Variants in FARS2 observed in about 807,000 individuals in gnomAD.
FARS2 encodes the protein phenylalanyl-tRNA synthetase 2, mitochondrial, also known as phenylalanine--tRNA ligase, mitochondrial.
In FARS2, 40 loss-of-function variants were observed where a neutral mutation model predicts 46.4. That is an observed-to-expected ratio of 0.86 (90% CI 0.67 to 1.12). The LOEUF is 1.12. FARS2 is among the 50% of genes most tolerant of loss of function. FARS2 has a pLI of 0.00. For synonymous variants in FARS2, 234 were observed against 214.9 expected, an observed-to-expected ratio of 1.09 and a Z score of -0.78; for missense variants, 513 against 567.9, an observed-to-expected ratio of 0.90 and a Z score of 0.98.
chr6:5,420,481 G>A (rs1190199151), intron 3 of FARS2, among the ~76,000 whole-genome samples: 1 of 152,174 alleles, frequency 6.6e-6, no homozygotes, highest in Admixed American at 6.5e-5. Flanking sequence ...TACAATGGGG[G>A]TACTGGCATT....
chr6:5,301,861 T>C (rs886656847), intron 1 of FARS2, among the ~76,000 whole-genome samples: 13 of 148,134 alleles, frequency 8.8e-5, no homozygotes, highest in Non-Finnish European at 1.9e-4. Flanking sequence ...AAAATGGGGC[T>C]AAATTGGTGG....
intron 3 of FARS2, among the ~76,000 whole-genome samples, chr6:5,419,539 A>C (rs1762426980): frequency 6.6e-6 from 1 of 151,682 alleles, no homozygotes; most frequent in South Asian, 2.1e-4. Flanking sequence ...CTTACTATTC[A>C]CCCTATAAGT....
At chr6:5,408,521 G>T (rs1761746575) in intron 3 of FARS2, among the ~76,000 whole-genome samples, 1 of 152,146 alleles carries the variant, frequency 6.6e-6, no homozygotes, top group Non-Finnish European at 1.5e-5. Context: ...AACTTAAAAT[G>T]AAGCTCCTGT....
chr6:5,722,565 G>A (rs1049533563), intron 6 of FARS2, among the ~76,000 whole-genome samples: 2 of 152,228 alleles, frequency 1.3e-5, no homozygotes, highest in Non-Finnish European at 2.9e-5. Context: ...GATGGCAAGA[G>A]CTCACAGGGA....
chr6:5,360,342 G>A (rs1184174806), intron 1 of FARS2, among the ~76,000 whole-genome samples: 1 of 152,136 alleles, frequency 6.6e-6, no homozygotes, highest in Non-Finnish European at 1.5e-5. Context: ...CTTACTTCCT[G>A]TGCCTGACCA....
In FARS2 at chr6:5,408,449, G is replaced by T. The variant is rs146587183; in HGVS notation, c.772+3748G>T. ...GAAAGAAGGAAAGAAGAGGCAAGGG[G>T]AAGAAAAATGATTGACAGTAGACTC... is the stretch of plus-strand genomic sequence containing the variant. On this transcript the variant is annotated intron_variant, in intron 3 of 6. Coordinates refer to ENST00000274680, the MANE Select transcript of FARS2 (RefSeq NM_006567.5). Among the ~76,000 whole-genome samples the T allele has an allele frequency of 1.3e-3, 196 of 152,266 alleles. 1 individual carries two copies. Among genetic ancestry groups the T allele is most frequent in the Middle Eastern group, 3.4e-3 (1 of 294 alleles).
chr6:5,690,350 C>T (rs866276589), intron 6 of FARS2, among the ~76,000 whole-genome samples: 1 of 151,748 alleles, frequency 6.6e-6, no homozygotes, highest in Non-Finnish European at 1.5e-5. Context: ...TGTTCCTTTG[C>T]ATGTTTAGTG....
chr6:5,307,482 TACAC>T (rs1354846170), intron 1 of FARS2, among the ~76,000 whole-genome samples: 1 of 152,224 alleles, frequency 6.6e-6, no homozygotes, highest in African/African-American at 2.4e-5. Context: ...TTTGATATTT[TACAC>T]ACACGCGTGC....
At chr6:5,595,520 T>C (rs760485508) in intron 5 of FARS2, among the ~76,000 whole-genome samples, 14 of 152,176 alleles carry the variant, frequency 9.2e-5, no homozygotes, top group Non-Finnish European at 1.9e-4. Flanking sequence ...AAATGTTGGT[T>C]ATTTCCACTG....
At chr6:5,516,613 C>A (rs1336377070) in intron 4 of FARS2, among the ~76,000 whole-genome samples, 1 of 152,108 alleles carries the variant, frequency 6.6e-6, no homozygotes, top group Non-Finnish European at 1.5e-5. Flanking sequence ...ATTTTGTACT[C>A]ATTTGCAAAA....
At chr6:5,664,935 C>G (rs1465017191) in intron 6 of FARS2, 2 of 152,198 alleles carry the variant, frequency 1.3e-5, no homozygotes, top group Non-Finnish European at 2.9e-5. Flanking sequence ...TGTATCCTTT[C>G]ATATACAGTG....
At chr6:5,377,082 C>T (rs72815658) in intron 2 of FARS2, among the ~76,000 whole-genome samples, 23,025 of 152,228 alleles carry the variant, frequency 0.15, 2,245 homozygotes, top group Middle Eastern at 0.22. Flanking sequence ...TTTTAGAAAA[C>T]ATTTGAGACA....
At chr6:5,438,702 G>A (rs577243440) in intron 4 of FARS2, among the ~76,000 whole-genome samples, 56 of 152,052 alleles carry the variant, frequency 3.7e-4, no homozygotes, top group Non-Finnish European at 7.1e-4. Flanking sequence ...CAGATTTTTG[G>A]ATTTTGGAAT....
At chr6:5,435,059 C>T (rs1763443942) in intron 4 of FARS2, among the ~76,000 whole-genome samples, 1 of 152,176 alleles carries the variant, frequency 6.6e-6, no homozygotes, top group Non-Finnish European at 1.5e-5. Context: ...CCGTGTTTTA[C>T]AGAGCCGGAG....
intron 1 of FARS2, among the ~76,000 whole-genome samples, chr6:5,342,402 G>C (rs572237580): frequency 2.0e-5 from 3 of 152,286 alleles, no homozygotes; most frequent in African/African-American, 7.2e-5. Context: ...TCTAAGTGCT[G>C]ATACTAACAG....
chr6:5,761,254 T>C (rs957250175), intron 6 of FARS2, among the ~76,000 whole-genome samples: 3 of 152,230 alleles, frequency 2.0e-5, no homozygotes, highest in Non-Finnish European at 4.4e-5. Flanking sequence ...TGTCTATTCA[T>C]GTATAAATGT....
In FARS2 at chr6:5,368,668, G is replaced by T; in HGVS notation, c.98G>T (p.Gly33Val). Residue 33 changes from glycine to valine, a missense_variant, in exon 2 of 7, where the codon GGA becomes GTA. Physicochemically the swap from Gly to Val is moderately radical, Grantham distance 109 (BLOSUM62 -3). Transcript: ENST00000274680. ...ISRGHQHQAW[G>V]SRPPAAECAT... The stretch of plus-strand genomic sequence containing the variant: ...AGAGGCCATCAGCACCAGGCCTGGG[G>T]ATCGAGGCCTCCTGCAGCAGAGTGT... 1 of 1,614,208 alleles carries T rather than the reference G, an allele frequency of 6.2e-7. No homozygotes were observed. The highest frequency in any genetic ancestry group is 8.5e-7 in the Non-Finnish European group (1 of 1,180,044).
At chr6:5,356,443 T>C (rs1211625757) in intron 1 of FARS2, among the ~76,000 whole-genome samples, 3 of 151,948 alleles carry the variant, frequency 2.0e-5, no homozygotes, top group Non-Finnish European at 4.4e-5. Context: ...AGAGCGAGAC[T>C]CTGTCAAATG....
At chr6:5,296,623 T>C (rs984653380) in intron 1 of FARS2, among the ~76,000 whole-genome samples, 2 of 152,240 alleles carry the variant, frequency 1.3e-5, no homozygotes, top group Non-Finnish European at 2.9e-5. Flanking sequence ...TTCTACTTTC[T>C]GTCTCTGAAT....
Sources: gnomAD v4.1 joint callset for allele counts (sites outside exome capture counted in the v4.1 genomes callset) on GRCh38, gnomAD v4.1.1 for gene constraint, MANE v1.5 for transcripts, NCBI Gene and HGNC (gene_info 2026-07-23, HGNC 2026-07-21) for gene names.